The following SLC35F3 variants were observed in gnomAD, a reference collection of about 807,000 sequenced individuals.
SLC35F3 encodes the protein putative thiamine transporter SLC35F3.
In SLC35F3, 25 loss-of-function variants were observed where a neutral mutation model predicts 49.9. The ratio of observed to expected loss-of-function variants is 0.50; its 90% CI spans 0.37 to 0.70. SLC35F3 has a LOEUF of 0.70. Among genes scored for constraint, SLC35F3 ranks in the 30% least tolerant of loss-of-function variants. The probability of loss-of-function intolerance (pLI) is 0.00; values close to 1 mark genes in which losing one functional copy is unlikely to be tolerated. For missense variants in SLC35F3, 525 were observed against 639.8 expected (o/e 0.82, Z 1.94); for synonymous variants, 275 against 265.4 (o/e 1.04, Z -0.35).
chr1:234,193,980 A>C (rs1030782336), intron 2 of SLC35F3, among the ~76,000 whole-genome samples: 8 of 152,222 alleles, frequency 5.3e-5, no homozygotes, highest in Non-Finnish European at 1.2e-4. Flanking sequence ...AAAAGGGAAC[A>C]CTTCTACACT....
At chr1:233,919,098 A>C (rs947195908) in intron 2 of SLC35F3, among the ~76,000 whole-genome samples, 3 of 152,212 alleles carry the variant, frequency 2.0e-5, no homozygotes, top group African/African-American at 4.8e-5. Flanking sequence ...CATTTTCAAA[A>C]TAAAAAATGT....
At chr1:234,290,317 A>G (rs989962432) in intron 3 of SLC35F3, among the ~76,000 whole-genome samples, 1 of 152,230 alleles carries the variant, frequency 6.6e-6, no homozygotes, top group African/African-American at 2.4e-5. Context: ...ATCACAAGAA[A>G]AAAATTCTCA....
chr1:233,910,787 C>A (rs893299359), intron 2 of SLC35F3, among the ~76,000 whole-genome samples: 1 of 152,128 alleles, frequency 6.6e-6, no homozygotes, highest in African/African-American at 2.4e-5. Context: ...CTTTGTTGAA[C>A]GTCAACTATT....
intron 2 of SLC35F3, among the ~76,000 whole-genome samples, chr1:233,923,001 G>T: frequency 6.6e-6 from 1 of 152,150 alleles, no homozygotes; most frequent in East Asian, 1.9e-4. Context: ...TGTACCATTG[G>T]TCTATATCCG....
At chr1:234,127,971 G>A (rs1376159991) in intron 2 of SLC35F3, among the ~76,000 whole-genome samples, 1 of 152,178 alleles carries the variant, frequency 6.6e-6, no homozygotes, top group African/African-American at 2.4e-5. Context: ...GCTCCCTCCA[G>A]AGGACAAGGA....
chr1:234,133,424 G>A (rs114570259), intron 2 of SLC35F3, among the ~76,000 whole-genome samples: 9,765 of 152,168 alleles, frequency 0.064, 501 homozygotes, highest in African/African-American at 0.13. Context: ...AGACCAAGCC[G>A]TAACTGAAGA....
intron 2 of SLC35F3, among the ~76,000 whole-genome samples, chr1:233,929,221 T>C (rs1040611301): frequency 1.3e-5 from 2 of 152,310 alleles, no homozygotes; most frequent in African/African-American, 2.4e-5. Context: ...AATTCTAGTT[T>C]TGGGGCTGCC....
intron 2 of SLC35F3, among the ~76,000 whole-genome samples, chr1:234,189,354 A>G (rs1666696363): frequency 6.6e-6 from 1 of 151,748 alleles, no homozygotes; most frequent in African/African-American, 2.4e-5. Context: ...TCAGTGAGAT[A>G]GATAGCATAA....
At chr1:234,239,159 G>C (rs1667516686) in intron 3 of SLC35F3, among the ~76,000 whole-genome samples, 1 of 152,224 alleles carries the variant, frequency 6.6e-6, no homozygotes, top group Non-Finnish European at 1.5e-5. Flanking sequence ...ATATTTGCAA[G>C]ATAGATGTGA....
intron 3 of SLC35F3, among the ~76,000 whole-genome samples, chr1:234,269,335 C>G (rs908049062): frequency 2.6e-5 from 4 of 152,154 alleles, no homozygotes; most frequent in African/African-American, 9.7e-5. Context: ...GCCTCCTATA[C>G]AGGCAAGGTG....
At chr1:234,129,942 C>CT (rs1665709955) in intron 2 of SLC35F3, among the ~76,000 whole-genome samples, 3 of 152,040 alleles carry the variant, frequency 2.0e-5, no homozygotes, top group African/African-American at 7.2e-5. Context: ...AACATAAAAG[C>CT]TAATACTATA....
chr1:233,912,433 T>C (rs1049373097), intron 2 of SLC35F3, among the ~76,000 whole-genome samples: 2 of 151,994 alleles, frequency 1.3e-5, no homozygotes, highest in African/African-American at 2.4e-5. Flanking sequence ...GCCGAGATCG[T>C]GCCACTGCAC....
At chr1:234,064,099 T>C (rs143008824) in intron 2 of SLC35F3, among the ~76,000 whole-genome samples, 1 of 152,152 alleles carries the variant, frequency 6.6e-6, no homozygotes, top group African/African-American at 2.4e-5. Context: ...ATCTAAACAT[T>C]TGGATTTTTT....
chr1:233,950,022 C>T (rs992604184), intron 2 of SLC35F3, among the ~76,000 whole-genome samples: 5 of 151,966 alleles, frequency 3.3e-5, no homozygotes, highest in South Asian at 2.1e-4. Context: ...CCTCTGCACA[C>T]GAGGTGAGAA....
At chr1:234,110,219 A>C (rs1378766332) in intron 2 of SLC35F3, among the ~76,000 whole-genome samples, 1 of 152,212 alleles carries the variant, frequency 6.6e-6, no homozygotes, top group Non-Finnish European at 1.5e-5. Flanking sequence ...CAGATCCTAT[A>C]TTCCTTGCAA....
intron 2 of SLC35F3, among the ~76,000 whole-genome samples, chr1:233,967,508 T>A (rs1301110244): frequency 1.3e-5 from 2 of 152,210 alleles, no homozygotes; most frequent in South Asian, 2.1e-4. Context: ...AAATTTGACT[T>A]TGAATGTCAG....
chr1:234,257,785 G>C (rs913311940), intron 3 of SLC35F3, among the ~76,000 whole-genome samples: 2 of 152,216 alleles, frequency 1.3e-5, no homozygotes, highest in Non-Finnish European at 2.9e-5. Context: ...GTGGATGGCC[G>C]TATTGAGATT....
chr1:234,040,936 C>G (rs1298867710), intron 2 of SLC35F3, among the ~76,000 whole-genome samples: 1 of 152,166 alleles, frequency 6.6e-6, no homozygotes, highest in Non-Finnish European at 1.5e-5. Context: ...ATGAGTAATG[C>G]TATGGATCAT....
intron 2 of SLC35F3, among the ~76,000 whole-genome samples, chr1:233,913,376 C>A (rs1489854128): frequency 6.6e-6 from 1 of 152,190 alleles, no homozygotes; most frequent in Admixed American, 6.5e-5. Context: ...AGTGTCACCT[C>A]CTCCCAAGAG....
Sources: allele counts gnomAD v4.1 joint callset (sites outside exome capture counted in the v4.1 genomes callset), GRCh38; gene constraint gnomAD v4.1.1; transcripts MANE v1.5; gene names NCBI Gene and HGNC (gene_info 2026-07-23, HGNC 2026-07-21).